The following FARS2 variants were observed in gnomAD, a reference collection of about 807,000 sequenced individuals.
FARS2 encodes phenylalanyl-tRNA synthetase 2, mitochondrial, also known as phenylalanine--tRNA ligase, mitochondrial.
A neutral mutation model predicts 46.4 loss-of-function variants in FARS2; 40 were observed. The observed-to-expected ratio is 0.86, with a 90% CI of 0.67 to 1.12. The LOEUF (loss-of-function observed/expected upper bound fraction) is 1.12. FARS2 is among the 50% of genes most tolerant of loss of function. FARS2 has a pLI of 0.00. For missense variants in FARS2, 513 were observed against 567.9 expected, an observed-to-expected ratio of 0.90 and a Z score of 0.98; for synonymous variants, 234 against 214.9, an observed-to-expected ratio of 1.09 and a Z score of -0.78.
chr6:5,266,613 G>T (rs1233616412), intron 1 of FARS2, among the ~76,000 whole-genome samples: 1 of 152,208 alleles, frequency 6.6e-6, no homozygotes, highest in African/African-American at 2.4e-5. Context: ...GATCTGTCTA[G>T]CTATGATACA....
chr6:5,547,306 A>T (rs1377789304), intron 5 of FARS2, among the ~76,000 whole-genome samples: 3 of 150,706 alleles, frequency 2.0e-5, no homozygotes, highest in Middle Eastern at 3.2e-3. Flanking sequence ...TTGATTATCT[A>T]GTGTTCTTTT....
At chr6:5,715,798 ATTAACT>A (rs1366914977) in intron 6 of FARS2, among the ~76,000 whole-genome samples, 23 of 152,172 alleles carry the variant, frequency 1.5e-4, no homozygotes, top group African/African-American at 3.6e-4. Flanking sequence ...TTTTCTGTAG[ATTAACT>A]TTAATTTCTC....
intron 1 of FARS2, among the ~76,000 whole-genome samples, chr6:5,334,530 T>C (rs1771022440): frequency 6.6e-6 from 1 of 152,162 alleles, no homozygotes; most frequent in African/African-American, 2.4e-5. Flanking sequence ...CTTGGCACCA[T>C]TGAAAAGAAT....
chr6:5,549,093 C>T (rs1479538152), intron 5 of FARS2, among the ~76,000 whole-genome samples: 2 of 151,812 alleles, frequency 1.3e-5, no homozygotes, highest in Non-Finnish European at 2.9e-5. Flanking sequence ...AACCAAAATC[C>T]ACCCAACTGG....
intron 6 of FARS2, among the ~76,000 whole-genome samples, chr6:5,656,791 C>T (rs969233123): frequency 6.6e-6 from 1 of 152,158 alleles, no homozygotes; most frequent in Non-Finnish European, 1.5e-5. Flanking sequence ...TCAAGTGATC[C>T]ACCCTCCTCG....
chr6:5,657,622 T>C (rs1487084985), intron 6 of FARS2, among the ~76,000 whole-genome samples: 1 of 152,204 alleles, frequency 6.6e-6, no homozygotes, highest in Admixed American at 6.5e-5. Context: ...AGAGGGGTCT[T>C]GGTTTATAAG....
At chr6:5,646,413 G>T (rs1187566745) in intron 6 of FARS2, among the ~76,000 whole-genome samples, 1 of 152,166 alleles carries the variant, frequency 6.6e-6, no homozygotes, top group Non-Finnish European at 1.5e-5. Context: ...GTGCAGTGAG[G>T]GCAGTGGGCT....
chr6:5,633,248 G>T (rs1205455394), intron 6 of FARS2, among the ~76,000 whole-genome samples: 1 of 131,892 alleles, frequency 7.6e-6, no homozygotes, highest in Non-Finnish European at 1.6e-5. Flanking sequence ...ACAGGTACAT[G>T]CCACCATCCC....
intron 1 of FARS2, among the ~76,000 whole-genome samples, chr6:5,294,515 A>G (rs2127520384): frequency 6.6e-6 from 1 of 152,252 alleles, no homozygotes; most frequent in Admixed American, 6.5e-5. Flanking sequence ...ACCCAGAGAT[A>G]GTGTCAGATC....
intron 6 of FARS2, among the ~76,000 whole-genome samples, chr6:5,636,749 C>T (rs559159670): frequency 6.6e-6 from 1 of 152,276 alleles, no homozygotes; most frequent in Admixed American, 6.5e-5. Context: ...AGTAGCTTTC[C>T]ACTACTTGCC....
chr6:5,285,329 A>G (rs768957080), intron 1 of FARS2, among the ~76,000 whole-genome samples: 15 of 152,164 alleles, frequency 9.9e-5, no homozygotes, highest in Non-Finnish European at 8.8e-5. Context: ...GGAAGGCAGG[A>G]TCTAGAGAGA....
chr6:5,730,326 G>T (rs1760542491), intron 6 of FARS2, among the ~76,000 whole-genome samples: 1 of 152,180 alleles, frequency 6.6e-6, no homozygotes, highest in Admixed American at 6.5e-5. Flanking sequence ...TAATTACTGA[G>T]CAAGCTGGAT....
chr6:5,274,319 T>C (rs1191885082), intron 1 of FARS2, among the ~76,000 whole-genome samples: 1 of 152,246 alleles, frequency 6.6e-6, no homozygotes, highest in African/African-American at 2.4e-5. Context: ...TTAGGCTTCA[T>C]AGTGATTGCA....
At chr6:5,480,217 G>A (rs900377926) in intron 4 of FARS2, among the ~76,000 whole-genome samples, 5 of 152,244 alleles carry the variant, frequency 3.3e-5, no homozygotes, top group African/African-American at 1.2e-4. Flanking sequence ...CTAAACGGAT[G>A]CGCCAGAAAT....
rs567394461 is a variant in FARS2, at chr6:5,749,527, C to T, written c.1218-21764C>T. 4.6e-5 allele frequency among the ~76,000 whole-genome samples: 7 copies of T among 152,238 alleles called. No homozygotes were observed. In the East Asian group the frequency reaches 5.8e-4, roughly 13 times the overall value. On this transcript the variant is annotated intron_variant, in intron 6 of 6. Coordinates refer to ENST00000274680, the MANE Select transcript of FARS2 (RefSeq NM_006567.5). ...TCCTTGGGACTGGCACTGACCCAGG[C>T]GGGGCAGATACAGCTGCTGGTCCTT...
At chr6:5,518,915 T>C (rs1768969636) in intron 4 of FARS2, among the ~76,000 whole-genome samples, 1 of 152,186 alleles carries the variant, frequency 6.6e-6, no homozygotes, top group Non-Finnish European at 1.5e-5. Context: ...GTAGCAGCAC[T>C]TGCAATTTTG....
intron 6 of FARS2, among the ~76,000 whole-genome samples, chr6:5,736,068 G>T (rs1451671975): frequency 6.6e-6 from 1 of 152,240 alleles, no homozygotes. Flanking sequence ...CAAGATGTCA[G>T]CTGATGCTGC....
At chr6:5,607,280 TATGTATGTGTGTGTGTGTG>T (rs1476078013) in intron 5 of FARS2, among the ~76,000 whole-genome samples, 5 of 75,352 alleles carry the variant, frequency 6.6e-5, no homozygotes, top group Non-Finnish European at 8.0e-5. Flanking sequence ...TAAAGAATAA[TATGTATGTGTGTGTGTGTG>T]TGTGTGTGTG....
chr6:5,263,500 C>T (rs1765338574), intron 1 of FARS2, among the ~76,000 whole-genome samples: 1 of 152,168 alleles, frequency 6.6e-6, no homozygotes, highest in Non-Finnish European at 1.5e-5. Context: ...CACTTTTGCA[C>T]ATCTTCATTG....
Sources: gnomAD v4.1 joint callset for allele counts (sites outside exome capture counted in the v4.1 genomes callset) on GRCh38, gnomAD v4.1.1 for gene constraint, MANE v1.5 for transcripts, NCBI Gene and HGNC (gene_info 2026-07-23, HGNC 2026-07-21) for gene names.